The following MAST4 variants were observed in gnomAD, a reference collection of about 807,000 sequenced individuals.
MAST4 encodes the protein microtubule associated serine/threonine kinase family member 4.
Under a neutral mutation model 162.7 loss-of-function variants are expected in MAST4, and 89 were observed. The ratio of observed to expected loss-of-function variants is 0.55; its 90% CI spans 0.46 to 0.65. The LOEUF is 0.65. Ranked by LOEUF, MAST4 falls within the 30% of genes least tolerant of loss-of-function variation. MAST4 has a pLI of 0.00. For synonymous variants in MAST4, 1,479 were observed against 1,361.1 expected, an observed-to-expected ratio of 1.09 and a Z score of -1.91; for missense variants, 3,153 against 3,374.0, an observed-to-expected ratio of 0.93 and a Z score of 1.62.
chr5:66,631,209 A>G (rs756185135), intron 1 of MAST4, among the ~76,000 whole-genome samples: 10 of 152,196 alleles, frequency 6.6e-5, no homozygotes, highest in African/African-American at 1.2e-4. Flanking sequence ...GACTTCAACA[A>G]ATAAAATCTG....
intron 4 of MAST4, among the ~76,000 whole-genome samples, chr5:67,049,022 CGTATATAT>C (rs1757753724): frequency 1.7e-4 from 14 of 81,922 alleles, no homozygotes; most frequent in African/African-American, 8.0e-4. Context: ...TATATATATA[CGTATATAT>C]ATATATATAT....
At position 67,104,536 on chromosome 5, in the gene MAST4, C is replaced by A. The variant is rs751415407; in HGVS notation, c.1317C>A (p.Phe439Leu). ...SHQGLITSRY[F>L]LELQHKLDKL... Reference sequence around the variant, plus strand: ...AGGGCCTCATCACCTCACGATACTTCCTTGAATTACAGCACAAATTAGATA... The same window carrying A: ...AGGGCCTCATCACCTCACGATACTTACTTGAATTACAGCACAAATTAGATA... The change falls in exon 10 of 29, where the codon TTC becomes TTA. Residue 439 changes from phenylalanine (F) to leucine (L), a missense_variant. Phe to Leu is a conservative substitution (Grantham distance 22). This residue lies in a region of MAST4 where 360 missense variants were observed against 450.0 expected (regional missense o/e 0.80). Coordinates refer to ENST00000403625, the MANE Select transcript of MAST4 (RefSeq NM_001164664.2). 1 of 1,613,706 alleles carries A rather than the reference C, an allele frequency of 6.2e-7. No individual in the cohort carries two copies. The highest frequency in any genetic ancestry group is 8.5e-7 in the Non-Finnish European group (1 of 1,179,774).
intron 3 of MAST4, among the ~76,000 whole-genome samples, chr5:66,848,639 G>A (rs535965642): frequency 3.6e-4 from 55 of 152,090 alleles, no homozygotes; most frequent in Admixed American, 2.0e-3. Context: ...CTCATCTGTC[G>A]ACTCTTAGAT....
chr5:67,123,105 C>A (rs892163816), intron 14 of MAST4, among the ~76,000 whole-genome samples: 1 of 152,182 alleles, frequency 6.6e-6, no homozygotes. Flanking sequence ...ACTGGCTGAA[C>A]AAATGTATCC....
chr5:66,825,031 A>G (rs1366212809), intron 3 of MAST4, among the ~76,000 whole-genome samples: 1 of 152,198 alleles, frequency 6.6e-6, no homozygotes, highest in Non-Finnish European at 1.5e-5. Context: ...CTTAGGCTAC[A>G]CTGAATTTAT....
At chr5:67,133,739 T>A in intron 17 of MAST4, 93 bp downstream of exon 17, 1 of 1,374,690 alleles carries the variant, frequency 7.3e-7, no homozygotes, top group Non-Finnish European at 1.0e-6. Context: ...ATCTTCACAT[T>A]AGTGCTGGTG....
chr5:66,747,035 G>A (rs569918461), intron 1 of MAST4, among the ~76,000 whole-genome samples: 32 of 150,902 alleles, frequency 2.1e-4, no homozygotes, highest in Non-Finnish European at 4.1e-4. Flanking sequence ...CTACAGTGTC[G>A]TGCTCTGTCC....
At chr5:67,158,561 A>T (rs926711906) in intron 26 of MAST4, among the ~76,000 whole-genome samples, 13 of 152,030 alleles carry the variant, frequency 8.6e-5, no homozygotes, top group African/African-American at 2.7e-4. Flanking sequence ...ATAGAGGAAG[A>T]CCCCATCTCA....
intron 3 of MAST4, among the ~76,000 whole-genome samples, chr5:66,896,669 C>G (rs983790791): frequency 2.0e-5 from 3 of 152,144 alleles, no homozygotes; most frequent in Non-Finnish European, 4.4e-5. Flanking sequence ...CTGTTAAATA[C>G]CAAAAATTAG....
chr5:67,155,850 A>G (rs1772424250), intron 26 of MAST4, among the ~76,000 whole-genome samples: 1 of 152,160 alleles, frequency 6.6e-6, no homozygotes, highest in Admixed American at 6.5e-5. Flanking sequence ...TCACGAGGTC[A>G]GGAGTTCAAG....
chr5:66,889,479 G>C (rs1170762558), intron 3 of MAST4, among the ~76,000 whole-genome samples: 1 of 152,184 alleles, frequency 6.6e-6, no homozygotes, highest in Non-Finnish European at 1.5e-5. Context: ...ATTGGTGTTT[G>C]ATCTCCTTCT....
In MAST4 at chr5:67,056,466, A is replaced by G. The variant is rs140412008; in HGVS notation, c.763+1974A>G. Among the ~76,000 whole-genome samples, 143 of 152,294 alleles carry G rather than the reference A, an allele frequency of 9.4e-4. 2 individuals carry two copies. The highest frequency in any genetic ancestry group is 3.4e-3 in the African/African-American group (140 of 41,562). The stretch of plus-strand genomic sequence containing the variant: ...TTTTAATCTCGCTCCTCTTTATAGT[A>G]TTTATAGCAATTTCACCATCATTTA... On this transcript the variant is annotated intron_variant, in intron 5 of 28. Coordinates refer to ENST00000403625, the MANE Select transcript of MAST4 (RefSeq NM_001164664.2).
At chr5:66,955,667 C>T (rs747662593) in intron 4 of MAST4, among the ~76,000 whole-genome samples, 4 of 152,092 alleles carry the variant, frequency 2.6e-5, no homozygotes, top group Non-Finnish European at 5.9e-5. Flanking sequence ...ATATGTATTA[C>T]TTCATATGTA....
In MAST4 at chr5:66,965,838, G is replaced by A. The variant is rs116177402; in HGVS notation, c.674+65856G>A. Among the ~76,000 whole-genome samples the A allele has an allele frequency of 4.0e-3, 609 of 152,258 alleles. 2 individuals carry two copies. The highest frequency in any genetic ancestry group is 6.9e-3 in the Non-Finnish European group (468 of 68,020). The stretch of plus-strand genomic sequence containing the variant: ...TTTTGTAAGTGTTCAGGAGTCAGAA[G>A]ATGTTTTGAATAAGGAAATGACCAA... On this transcript the variant is annotated intron_variant, in intron 4 of 28. Transcript: ENST00000403625.
At chr5:67,047,255 T>C (rs544509405) in intron 4 of MAST4, among the ~76,000 whole-genome samples, 4 of 152,312 alleles carry the variant, frequency 2.6e-5, no homozygotes, top group African/African-American at 7.2e-5. Flanking sequence ...CAGCTTCCCT[T>C]GTCACTCAGG....
intron 5 of MAST4, among the ~76,000 whole-genome samples, chr5:67,069,556 C>T (rs1002185586): frequency 2.6e-5 from 4 of 151,898 alleles, no homozygotes; most frequent in Admixed American, 1.3e-4. Context: ...AGGGCATGCC[C>T]GAGTGACCCC....
At chr5:66,730,081 A>G (rs1276010002) in intron 1 of MAST4, among the ~76,000 whole-genome samples, 1 of 152,124 alleles carries the variant, frequency 6.6e-6, no homozygotes, top group African/African-American at 2.4e-5. Flanking sequence ...GGAAGTATAG[A>G]TCTGGTGGAT....
At chr5:66,992,421 G>T (rs1750164301) in intron 4 of MAST4, among the ~76,000 whole-genome samples, 1 of 152,200 alleles carries the variant, frequency 6.6e-6, no homozygotes, top group Non-Finnish European at 1.5e-5. Flanking sequence ...TGGGAAGCCT[G>T]TCTCTAAATT....
chr5:66,677,839 G>A (rs1454530640), intron 1 of MAST4, among the ~76,000 whole-genome samples: 1 of 152,112 alleles, frequency 6.6e-6, no homozygotes. Flanking sequence ...TTTGGAAAGC[G>A]TGAACTTTAG....
Sources: gnomAD v4.1 joint callset for allele counts (sites outside exome capture counted in the v4.1 genomes callset) on GRCh38, gnomAD v4.1.1 for gene constraint, gnomAD v4.1.1 regional missense constraint, MANE v1.5 for transcripts, NCBI Gene and HGNC (gene_info 2026-07-23, HGNC 2026-07-21) for gene names.